The following LOC128462377 variants were observed in gnomAD, a reference collection of about 807,000 sequenced individuals.
At chr16:89,374,639 CCCGCGTGCTA>C in the LOC128462377 span, among the ~76,000 whole-genome samples, 2 of 152,206 alleles carry the variant, frequency 1.3e-5, no homozygotes, top group Non-Finnish European at 2.9e-5. Flanking sequence ...CGGGCCATCT[CCCGCGTGCTA>C]CGATCAGAGG....
chr16:89,401,716 G>C, the LOC128462377 span, among the ~76,000 whole-genome samples: 1,487 of 152,226 alleles, frequency 9.8e-3, 28 homozygotes, highest in African/African-American at 0.033. Flanking sequence ...GAGATCGCTA[G>C]GGTGGGCCCT....
chr16:89,352,358 G>A, the LOC128462377 span, among the ~76,000 whole-genome samples: 1 of 151,600 alleles, frequency 6.6e-6, no homozygotes, highest in Non-Finnish European at 1.5e-5. Flanking sequence ...TCTAGGCACC[G>A]CAATGTCTCA....
chr16:89,365,934 C>A, the LOC128462377 span, among the ~76,000 whole-genome samples: 1 of 152,018 alleles, frequency 6.6e-6, no homozygotes, highest in African/African-American at 2.4e-5. Context: ...TCATTTCGTT[C>A]CCATTCATAA....
chr16:89,336,692 G>A, the LOC128462377 span, among the ~76,000 whole-genome samples: 13 of 152,156 alleles, frequency 8.5e-5, no homozygotes, highest in African/African-American at 2.9e-4. Flanking sequence ...TAGGAGACCC[G>A]GCCTGTCCTA....
chr16:89,325,791 G>C, the LOC128462377 span, among the ~76,000 whole-genome samples: 1 of 152,200 alleles, frequency 6.6e-6, no homozygotes, highest in Admixed American at 6.5e-5. Flanking sequence ...GTCCTTGCAA[G>C]GCCTCAGAGG....
the LOC128462377 span, among the ~76,000 whole-genome samples, chr16:89,415,850 A>AAAAAC: frequency 6.8e-6 from 1 of 147,384 alleles, no homozygotes; most frequent in Non-Finnish European, 1.5e-5. Context: ...AAAAAAAAAA[A>AAAAAC]CAATGGAGAA....
chr16:89,334,554 A>G, the LOC128462377 span, among the ~76,000 whole-genome samples: 2 of 152,090 alleles, frequency 1.3e-5, no homozygotes, highest in South Asian at 2.1e-4. Context: ...GGCAGTGGGC[A>G]TGCGGCATGC....
the LOC128462377 span, among the ~76,000 whole-genome samples, chr16:89,383,744 C>G: frequency 6.6e-6 from 1 of 152,110 alleles, no homozygotes; most frequent in Admixed American, 6.6e-5. Flanking sequence ...TGCACTCGGA[C>G]CAGCAAAGCA....
At chr16:89,380,792 G>A in the LOC128462377 span, among the ~76,000 whole-genome samples, 9 of 152,374 alleles carry the variant, frequency 5.9e-5, no homozygotes, top group East Asian at 5.8e-4. Flanking sequence ...GCAGGGCTGC[G>A]TAACCACCAC....
chr16:89,349,905 CACACACAT>C, the LOC128462377 span, among the ~76,000 whole-genome samples: 4,286 of 131,394 alleles, frequency 0.033, 103 homozygotes, highest in African/African-American at 0.047. Flanking sequence ...CACACACACA[CACACACAT>C]ATTCAAACAA....
the LOC128462377 span, among the ~76,000 whole-genome samples, chr16:89,366,756 G>C: frequency 6.6e-6 from 1 of 152,204 alleles, no homozygotes; most frequent in Non-Finnish European, 1.5e-5. Flanking sequence ...TCTTGAATGT[G>C]TGCTATGGGT....
chr16:89,393,981 G>C, the LOC128462377 span, among the ~76,000 whole-genome samples: 1 of 152,196 alleles, frequency 6.6e-6, no homozygotes, highest in East Asian at 1.9e-4. Context: ...CAAACCACTA[G>C]GTGCCAAACA....
At chr16:89,382,320 A>AATAT in the LOC128462377 span, among the ~76,000 whole-genome samples, 15 of 68,906 alleles carry the variant, frequency 2.2e-4, no homozygotes, top group African/African-American at 5.6e-4. Flanking sequence ...GAAGTCTAGA[A>AATAT]ATATATATAT....
At chr16:89,394,826 A>C in the LOC128462377 span, among the ~76,000 whole-genome samples, 2 of 152,104 alleles carry the variant, frequency 1.3e-5, no homozygotes, top group Non-Finnish European at 2.9e-5. Flanking sequence ...GAGGTTATTG[A>C]GTTATTTTTC....
the LOC128462377 span, among the ~76,000 whole-genome samples, chr16:89,362,782 T>C: frequency 6.6e-6 from 1 of 152,206 alleles, no homozygotes; most frequent in African/African-American, 2.4e-5. Flanking sequence ...GGCCTGTTCC[T>C]CTTCCTTAGT....
chr16:89,356,791 A>AG, the LOC128462377 span, among the ~76,000 whole-genome samples: 5 of 150,730 alleles, frequency 3.3e-5, no homozygotes. Context: ...AAAAAAAAAA[A>AG]AAAAGAAAAA....
At chr16:89,318,232 T>G in the LOC128462377 span, among the ~76,000 whole-genome samples, 1 of 152,178 alleles carries the variant, frequency 6.6e-6, no homozygotes, top group African/African-American at 2.4e-5. Context: ...GCATGGACAC[T>G]CTCGGAGCAT....
chr16:89,324,087 T>C, the LOC128462377 span: 3 of 363,044 alleles, frequency 8.3e-6, no homozygotes, highest in African/African-American at 6.6e-5. Flanking sequence ...CTTGACCTCA[T>C]GATCTGCCGG....
chr16:89,375,429 C>A, the LOC128462377 span, among the ~76,000 whole-genome samples: 1 of 151,218 alleles, frequency 6.6e-6, no homozygotes, highest in Non-Finnish European at 1.5e-5. Flanking sequence ...CAAGCCGCTG[C>A]GCTCCCGCCC....
Sources: gnomAD v4.1 joint callset for allele counts (sites outside exome capture counted in the v4.1 genomes callset) on GRCh38, gnomAD v4.1.1 for gene constraint, MANE v1.5 for transcripts.